The following ROBO2 variants were observed in gnomAD, a reference collection of about 807,000 sequenced individuals.
ROBO2 encodes the protein roundabout homolog 2.
In ROBO2, 53 loss-of-function variants were observed where a neutral mutation model predicts 160.8. The observed-to-expected ratio is 0.33, with a 90% CI of 0.26 to 0.41. ROBO2 has a LOEUF of 0.41. Among genes scored for constraint, ROBO2 ranks in the 10% least tolerant of loss-of-function variants. The pLI is 1.00. For synonymous variants in ROBO2, 664 were observed against 611.7 expected (o/e 1.09, Z -1.26); for missense variants, 1,577 against 1,722.4 (o/e 0.92, Z 1.49).
intron 1 of ROBO2, among the ~76,000 whole-genome samples, chr3:77,044,334 T>C (rs373416972): frequency 1.3e-5 from 2 of 152,308 alleles, no homozygotes; most frequent in South Asian, 2.1e-4. Context: ...GTGGGATGTG[T>C]GTGTGCCTAG....
At chr3:77,251,169 G>C (rs969766944) in intron 2 of ROBO2, among the ~76,000 whole-genome samples, 1 of 152,100 alleles carries the variant, frequency 6.6e-6, no homozygotes, top group Non-Finnish European at 1.5e-5. Context: ...GGGCCCCCAG[G>C]CTGTCTGATA....
intron 2 of ROBO2, among the ~76,000 whole-genome samples, chr3:77,131,841 A>G (rs185661954): frequency 1.3e-5 from 2 of 152,174 alleles, no homozygotes; most frequent in African/African-American, 4.8e-5. Context: ...AGATTTGACA[A>G]TTTAATTTTT....
intron 2 of ROBO2, among the ~76,000 whole-genome samples, chr3:76,684,597 C>T (rs1293164348): frequency 2.0e-5 from 3 of 152,074 alleles, no homozygotes; most frequent in Non-Finnish European, 4.4e-5. Context: ...TAAGAGTTTA[C>T]ATCAATGCAT....
intron 6 of ROBO2, among the ~76,000 whole-genome samples, chr3:77,544,748 T>C (rs1412623849): frequency 6.6e-6 from 1 of 152,122 alleles, no homozygotes; most frequent in Non-Finnish European, 1.5e-5. Flanking sequence ...CACTAGGTTC[T>C]AAAAATTAGA....
chr3:77,626,296 AT>A (rs1353268609), intron 23 of ROBO2, among the ~76,000 whole-genome samples: 4 of 152,048 alleles, frequency 2.6e-5, no homozygotes, highest in African/African-American at 7.2e-5. Flanking sequence ...TTTGTGATTC[AT>A]TTTTTTCACA....
chr3:77,240,133 G>A (rs1434735415), intron 2 of ROBO2, among the ~76,000 whole-genome samples: 1 of 152,170 alleles, frequency 6.6e-6, no homozygotes, highest in East Asian at 1.9e-4. Flanking sequence ...TGGGGGCCAT[G>A]GAGCATGGGG....
At chr3:76,986,511 T>C (rs1013296191) in intron 2 of ROBO2, among the ~76,000 whole-genome samples, 127 of 152,268 alleles carry the variant, frequency 8.3e-4, no homozygotes, top group African/African-American at 2.7e-3. Context: ...TGTTCTATTA[T>C]AAATTAAAGT....
intron 2 of ROBO2, among the ~76,000 whole-genome samples, chr3:76,481,141 G>A (rs186832728): frequency 1.8e-4 from 28 of 152,112 alleles, no homozygotes; most frequent in African/African-American, 6.5e-4. Flanking sequence ...GTGATGTCGC[G>A]GTTTTTGAAA....
intron 2 of ROBO2, among the ~76,000 whole-genome samples, chr3:76,128,800 ACATT>A (rs1311310945): frequency 6.6e-6 from 1 of 152,108 alleles, no homozygotes; most frequent in Non-Finnish European, 1.5e-5. Flanking sequence ...AGATTTAATA[ACATT>A]CATTTAATGC....
chr3:76,485,807 T>C (rs1361859539), intron 2 of ROBO2, among the ~76,000 whole-genome samples: 3 of 152,172 alleles, frequency 2.0e-5, no homozygotes, highest in African/African-American at 7.2e-5. Flanking sequence ...CCTCTGTAAA[T>C]TAAGACTATA....
At chr3:76,673,946 T>A (rs1476371703) in intron 2 of ROBO2, among the ~76,000 whole-genome samples, 1 of 152,142 alleles carries the variant, frequency 6.6e-6, no homozygotes, top group East Asian at 1.9e-4. Context: ...ATAGAATGGA[T>A]GAGTTGAAAA....
At chr3:76,574,302 A>G (rs1047663495) in intron 2 of ROBO2, among the ~76,000 whole-genome samples, 6 of 152,118 alleles carry the variant, frequency 3.9e-5, no homozygotes, top group Non-Finnish European at 8.8e-5. Context: ...GTTTCATTAG[A>G]TAACCACATA....
At chr3:76,329,508 G>A (rs1412001363) in intron 2 of ROBO2, among the ~76,000 whole-genome samples, 3 of 152,198 alleles carry the variant, frequency 2.0e-5, no homozygotes, top group Admixed American at 2.0e-4. Context: ...CTGAGCCACG[G>A]CATCCGTCCT....
At chr3:75,938,411 G>A (rs766885709) in intron 2 of ROBO2, among the ~76,000 whole-genome samples, 22 of 151,908 alleles carry the variant, frequency 1.4e-4, no homozygotes, top group Admixed American at 2.0e-4. Flanking sequence ...TTGCATTTCC[G>A]TATTTTATGT....
intron 23 of ROBO2, among the ~76,000 whole-genome samples, chr3:77,624,399 A>G (rs56027863): frequency 0.48 from 73,150 of 151,766 alleles, 17,895 homozygotes; most frequent in Middle Eastern, 0.62. Flanking sequence ...GGGAGTGAGT[A>G]CGTGTATAAA....
intron 2 of ROBO2, among the ~76,000 whole-genome samples, chr3:76,632,023 A>G (rs1216590543): frequency 6.6e-6 from 1 of 152,246 alleles, no homozygotes; most frequent in African/African-American, 2.4e-5. Context: ...TTCTTCATGT[A>G]TTAATTCATT....
chr3:76,887,484 C>A (rs1165861881), intron 2 of ROBO2, among the ~76,000 whole-genome samples: 1 of 151,844 alleles, frequency 6.6e-6, no homozygotes. Flanking sequence ...GTGGTGGGTG[C>A]ATCAAGGGGG....
At chr3:77,091,282 C>T (rs2070213815) in intron 1 of ROBO2, among the ~76,000 whole-genome samples, 1 of 152,146 alleles carries the variant, frequency 6.6e-6, no homozygotes, top group African/African-American at 2.4e-5. Flanking sequence ...AAATCTCTTC[C>T]TGAAAACAAA....
chr3:76,604,321 A>G lies in ROBO2; in HGVS notation c.110-493693A>G, dbSNP rs140106036. Among the ~76,000 whole-genome samples, 276 of 152,282 alleles carry G rather than the reference A, an allele frequency of 1.8e-3. 1 individual carries two copies. The highest frequency in any genetic ancestry group is 6.3e-3 in the African/African-American group (260 of 41,576). Reference sequence around the variant, plus strand: ...TTCGAAGTAACATAAGTCAGCTAAAAAGATTTTCTTTGTATTAAACATTAT... The same window carrying G: ...TTCGAAGTAACATAAGTCAGCTAAAGAGATTTTCTTTGTATTAAACATTAT... On this transcript the variant is annotated intron_variant, in intron 2 of 26. Transcript: ENST00000487694.
Sources: allele counts gnomAD v4.1 joint callset (sites outside exome capture counted in the v4.1 genomes callset), GRCh38; gene constraint gnomAD v4.1.1; transcripts MANE v1.5; gene names NCBI Gene and HGNC (gene_info 2026-07-23, HGNC 2026-07-21).